Variants in SLC30A10 observed in about 807,000 individuals in gnomAD.
SLC30A10 encodes the protein calcium/manganese antiporter SLC30A10.
Under a neutral mutation model 21.7 loss-of-function variants are expected in SLC30A10, and 8 were observed. The ratio of observed to expected loss-of-function variants is 0.37; its 90% CI spans 0.22 to 0.67. The LOEUF (loss-of-function observed/expected upper bound fraction) is 0.67, where lower values mean the gene tolerates loss of function less well. Ranked by LOEUF, SLC30A10 falls within the 30% of genes least tolerant of loss-of-function variation. The pLI is 0.58. For missense variants in SLC30A10, 521 were observed against 642.5 expected (o/e 0.81, Z 2.04); for synonymous variants, 272 against 279.4 (o/e 0.97, Z 0.26).
intron 1 of SLC30A10, 113 bp downstream of exon 1, chr1:219,927,688 A>G: frequency 1.2e-6 from 1 of 848,958 alleles, no homozygotes; most frequent in Non-Finnish European, 1.5e-6. Flanking sequence ...CAAAAAAAAA[A>G]AAACAGAAAA....
intron 1 of SLC30A10, among the ~76,000 whole-genome samples, chr1:219,954,172 G>A (rs1446580167): frequency 6.6e-6 from 1 of 151,860 alleles, no homozygotes; most frequent in Non-Finnish European, 1.5e-5. Flanking sequence ...GACTGTCCAC[G>A]TGAAAAGCCC....
At chr1:219,942,270 G>A (rs1026020184) in intron 1 of SLC30A10, among the ~76,000 whole-genome samples, 1 of 152,164 alleles carries the variant, frequency 6.6e-6, no homozygotes, top group African/African-American at 2.4e-5. Context: ...GTCCAATAAA[G>A]ACAAATGCTC....
chr1:219,925,651 A>ATT (rs1210071228), intron 2 of SLC30A10, among the ~76,000 whole-genome samples: 65 of 48,274 alleles, frequency 1.3e-3, no homozygotes, highest in South Asian at 7.0e-3. Flanking sequence ...ATATATATAT[A>ATT]TTTTTTTTTT....
At chr1:219,926,681 T>C (rs551070928) in intron 2 of SLC30A10, among the ~76,000 whole-genome samples, 1 of 152,342 alleles carries the variant, frequency 6.6e-6, no homozygotes, top group African/African-American at 2.4e-5. Context: ...CCTACTCTTT[T>C]CCTACCTTTA....
At chr1:219,930,321 TA>T (rs916272089), upstream of SLC30A10, among the ~76,000 whole-genome samples, 1 of 151,328 alleles carries the variant, frequency 6.6e-6, no homozygotes, top group East Asian at 1.9e-4. Flanking sequence ...AAAATAAAAA[TA>T]AAAAAAATTA....
chr1:219,936,692 C>T (rs1660049726), intron 1 of SLC30A10, among the ~76,000 whole-genome samples: 1 of 152,190 alleles, frequency 6.6e-6, no homozygotes, highest in Admixed American at 6.6e-5. Flanking sequence ...CTGTCTTCCC[C>T]TGCTTCTTTC....
intron 1 of SLC30A10, among the ~76,000 whole-genome samples, chr1:219,935,580 T>C (rs116664375): frequency 0.013 from 1,936 of 152,348 alleles, 37 homozygotes; most frequent in African/African-American, 0.044. Flanking sequence ...CTCTATGTTT[T>C]CATTTCTAAG....
At chr1:219,917,325 T>C (rs374652621) in intron 3 of SLC30A10, among the ~76,000 whole-genome samples, 14 of 152,218 alleles carry the variant, frequency 9.2e-5, no homozygotes, top group African/African-American at 2.9e-4. Context: ...TTAAATATAT[T>C]ACTTTACTAA....
chr1:219,957,065 G>A (rs1341569901), intron 1 of SLC30A10, among the ~76,000 whole-genome samples: 2 of 152,118 alleles, frequency 1.3e-5, no homozygotes, highest in Non-Finnish European at 2.9e-5. Flanking sequence ...TATGAAATAT[G>A]TGAATTTCAT....
rs1660282590 is a variant in SLC30A10 at position 219,952,370 on chromosome 1, T to C, written n.80+6198A>G. Among the ~76,000 whole-genome samples the C allele has an allele frequency of 2.0e-5, 3 of 152,350 alleles. No homozygotes were observed. The South Asian group carries it at 6.2e-4, about 32-fold the overall frequency. On this transcript the variant is annotated intron_variant and non_coding_transcript_variant, in intron 1 of 8. Coordinates refer to the SLC30A10 transcript ENST00000484239. Reference sequence around the variant, plus strand: ...AGTGACTTTTTGGAGGTCATCTAGCTACTGGAATTAGGATTCAACTTATGG... The same window carrying C: ...AGTGACTTTTTGGAGGTCATCTAGCCACTGGAATTAGGATTCAACTTATGG...
At position 219,911,149 on chromosome 1, in the gene SLC30A10, G is replaced by GTTTTTTTTTTGGTT. The variant is rs1553311741; in HGVS notation, c.*4299_*4300insAACCAAAAAAAAAA. ...ATGTTTCTTCATTTTTTCTACATCA[G>GTTTTTTTTTTGGTT]TTTTTTTTTTTTTTTTTTTTTTTTT... On this transcript the variant is annotated 3_prime_UTR_variant, in exon 4 of 4. Transcript: ENST00000366926. Among the ~76,000 whole-genome samples, 1 of 49,400 alleles carries GTTTTTTTTTTGGTT rather than the reference G, an allele frequency of 2.0e-5. No homozygotes were observed. Among genetic ancestry groups the GTTTTTTTTTTGGTT allele is most frequent in the Non-Finnish European group, 4.5e-5 (1 of 22,434 alleles). 32.4% of individuals were successfully genotyped at this position (49,400 alleles called of 152,430 possible).
rs59792236 is a variant in SLC30A10 at position 219,912,170 on chromosome 1, CAAAAAAAA to C, written c.*3271_*3278del. On this transcript the variant is annotated 3_prime_UTR_variant, in exon 4 of 4. Transcript: ENST00000366926. ...CCACTGGAATTTGCTCTACCAATGG[CAAAAAAAA>C]AAAAAAAAAAAAAAAAAAGAACTAA... is the stretch of plus-strand genomic sequence containing the variant. Among the ~76,000 whole-genome samples, 8 of 74,698 alleles carry C rather than the reference CAAAAAAAA, an allele frequency of 1.1e-4. No homozygotes were observed. The highest frequency in any genetic ancestry group is 3.4e-4 in the East Asian group (1 of 2,956). The allele number at this position is 74,698 out of a possible 152,430, so 49.0% of individuals were successfully genotyped here.
At chr1:219,919,681 CAGG>C (rs1437173928) in intron 2 of SLC30A10, among the ~76,000 whole-genome samples, 1 of 151,224 alleles carries the variant, frequency 6.6e-6, no homozygotes, top group Non-Finnish European at 1.5e-5. Flanking sequence ...AAGGCTGAGG[CAGG>C]AGAATCGCTT....
chr1:219,918,259 C>T lies in SLC30A10; in HGVS notation c.954G>A (p.Glu318=). ...QMVPKGVNME[E]LMSKLSAVPG... ...ATCAAAATTCAGTCTACTTACTCAGCTCTTCCATGTTGACTCCTTTTGGGA... is the reference window on the plus strand; with the variant it reads ...ATCAAAATTCAGTCTACTTACTCAGTTCTTCCATGTTGACTCCTTTTGGGA... Residue 318 remains glutamate, a synonymous_variant, in exon 3 of 4, where the codon GAG becomes GAA. Coordinates refer to ENST00000366926, the MANE Select transcript of SLC30A10 (RefSeq NM_018713.3). This position sits in a 1 kb window ranked among gnomAD's most constrained non-coding sequence, Gnocchi z 4.4. 1 of 1,613,722 alleles carries T rather than the reference C, an allele frequency of 6.2e-7. No individual in the cohort carries two copies. Among genetic ancestry groups the T allele is most frequent in the Non-Finnish European group, 8.5e-7 (1 of 1,179,838 alleles).
rs1181624949 is a variant in SLC30A10 at position 219,918,822 on chromosome 1, G to C, written c.719-328C>G. 8.0e-6 allele frequency: 2 copies of C among 250,796 alleles called. No homozygotes were observed. The highest frequency in any genetic ancestry group is 1.5e-5 in the Non-Finnish European group (2 of 132,762). 15.5% of individuals were successfully genotyped at this position (250,796 alleles called of 1,614,324 possible). A position where few individuals can be genotyped will look rare whatever the true frequency, so the allele number is the denominator to read the frequency against. On this transcript the variant is annotated intron_variant, in intron 2 of 3. Transcript: ENST00000366926. The surrounding 1 kb of genome is among the most constrained non-coding windows in gnomAD (Gnocchi z 4.4). ...AAGGGCACCAAGCTGGAAAACAGGG[G>C]CTGTGCAAATGATTTCTTTTTCTTT...
intron 1 of SLC30A10, among the ~76,000 whole-genome samples, chr1:219,956,453 C>G (rs1172496907): frequency 1.3e-5 from 2 of 151,876 alleles, no homozygotes; most frequent in Non-Finnish European, 2.9e-5. Context: ...CTTATTTAAA[C>G]TAGAACACTA....
chr1:219,927,718 G>T, intron 1 of SLC30A10, 83 bp downstream of exon 1: 1 of 1,149,718 alleles, frequency 8.7e-7, no homozygotes, highest in Non-Finnish European at 1.1e-6. Context: ...AGAAGAAAAA[G>T]AGGGCGTGGG....
intron 2 of SLC30A10, among the ~76,000 whole-genome samples, chr1:219,919,414 G>T (rs528811920): frequency 4.1e-4 from 63 of 152,230 alleles, no homozygotes; most frequent in African/African-American, 1.5e-3. Flanking sequence ...CACCTAGGAG[G>T]TTGTTAGAAA....
upstream of SLC30A10, among the ~76,000 whole-genome samples, chr1:219,930,841 G>C (rs1345378080): frequency 6.6e-6 from 1 of 152,166 alleles, no homozygotes; most frequent in African/African-American, 2.4e-5. Flanking sequence ...GTTAATATGT[G>C]TAAAATGCTT....
Sources: allele counts gnomAD v4.1 joint callset (sites outside exome capture counted in the v4.1 genomes callset), GRCh38; gene constraint gnomAD v4.1.1; non-coding constraint Gnocchi (gnomAD v3.1); transcripts MANE v1.5; gene names NCBI Gene and HGNC (gene_info 2026-07-23, HGNC 2026-07-21).